PTTG1IP2: variants seen among roughly 807,000 people sequenced by gnomAD.
The protein encoded by PTTG1IP2 is PTTG1IP family member 2.
chr7:90,481,211 G>A (rs1231986896), intron 2 of PTTG1IP2, among the ~76,000 whole-genome samples: 1 of 151,872 alleles, frequency 6.6e-6, no homozygotes, highest in Non-Finnish European at 1.5e-5. Flanking sequence ...TTTATTTTTT[G>A]TGGGTACATA....
intron 6 of PTTG1IP2, among the ~76,000 whole-genome samples, chr7:90,510,489 C>T (rs146894443): frequency 2.4e-4 from 37 of 152,142 alleles, no homozygotes; most frequent in East Asian, 7.7e-4. Context: ...TTTCCTAATA[C>T]GAGCTTTATT....
At position 90,484,334 on chromosome 7, in the gene PTTG1IP2, G is replaced by A. The variant is rs547808585; in HGVS notation, c.193-2993G>A. 7.9e-5 allele frequency among the ~76,000 whole-genome samples: 12 copies of A among 151,960 alleles called. No homozygotes were observed. In the South Asian group the frequency reaches 1.9e-3, roughly 24 times the overall value. On this transcript the variant is annotated intron_variant, in intron 2 of 6. Coordinates refer to ENST00000509356, the MANE Select transcript of PTTG1IP2 (RefSeq NM_001365443.2). ...ATTATTATGTATCTTCCCACTTTCT[G>A]CATGTTTTGATTTTAATGATATTTT... is the stretch of plus-strand genomic sequence containing the variant.
intron 6 of PTTG1IP2, among the ~76,000 whole-genome samples, chr7:90,504,562 G>A (rs1237944174): frequency 6.6e-6 from 1 of 152,150 alleles, no homozygotes; most frequent in African/African-American, 2.4e-5. Flanking sequence ...GTATGTGGCT[G>A]TGTTTCAATA....
chr7:90,509,717 G>A (rs1300805137), intron 6 of PTTG1IP2, among the ~76,000 whole-genome samples: 4 of 152,224 alleles, frequency 2.6e-5, no homozygotes, highest in South Asian at 2.1e-4. Context: ...TATAAAGTGT[G>A]GATAGAAGTT....
chr7:90,508,164 G>A (rs1173028491), intron 6 of PTTG1IP2, among the ~76,000 whole-genome samples: 1 of 151,694 alleles, frequency 6.6e-6, no homozygotes, highest in Non-Finnish European at 1.5e-5. Context: ...TGACTTGGGG[G>A]GCTGAGGTGC....
At chr7:90,495,468 A>ATG (rs148211028) in intron 6 of PTTG1IP2, among the ~76,000 whole-genome samples, 8 of 152,140 alleles carry the variant, frequency 5.3e-5, no homozygotes, top group African/African-American at 1.4e-4. Context: ...TTGTGTGTGT[A>ATG]TGTGTGTGTG....
At chr7:90,508,982 A>G (rs1201114881) in intron 6 of PTTG1IP2, among the ~76,000 whole-genome samples, 1 of 152,194 alleles carries the variant, frequency 6.6e-6, no homozygotes. Flanking sequence ...TGAGCTTTCA[A>G]TCATGACTCT....
chr7:90,496,885 G>A (rs1024669117), intron 6 of PTTG1IP2, among the ~76,000 whole-genome samples: 1 of 151,962 alleles, frequency 6.6e-6, no homozygotes, highest in Non-Finnish European at 1.5e-5. Flanking sequence ...AGTATATTGT[G>A]TTTTAATTTT....
chr7:90,497,130 G>T (rs1324090357), intron 6 of PTTG1IP2, among the ~76,000 whole-genome samples: 1 of 152,166 alleles, frequency 6.6e-6, no homozygotes, highest in Non-Finnish European at 1.5e-5. Flanking sequence ...AGTGTTCCAT[G>T]TGTGCTGAAG....
chr7:90,477,926 T>C (rs1336787044), intron 1 of PTTG1IP2, among the ~76,000 whole-genome samples: 1 of 151,460 alleles, frequency 6.6e-6, no homozygotes, highest in Admixed American at 6.6e-5. Context: ...TGAAACCCCA[T>C]CTCTACTGAA....
At chr7:90,494,647 G>A (rs1318787355) in intron 6 of PTTG1IP2, among the ~76,000 whole-genome samples, 5 of 152,220 alleles carry the variant, frequency 3.3e-5, no homozygotes, top group African/African-American at 1.2e-4. Flanking sequence ...TCTGGAAGGC[G>A]GAAGAGGGAG....
chr7:90,506,704 C>T (rs1459184185), intron 6 of PTTG1IP2, among the ~76,000 whole-genome samples: 1 of 152,106 alleles, frequency 6.6e-6, no homozygotes, highest in Non-Finnish European at 1.5e-5. Flanking sequence ...GAGATGAAGG[C>T]TGCAGCAAGC....
chr7:90,508,703 T>G (rs1381359175), intron 6 of PTTG1IP2, among the ~76,000 whole-genome samples: 3 of 152,218 alleles, frequency 2.0e-5, no homozygotes, highest in African/African-American at 4.8e-5. Context: ...CAACAATCCC[T>G]TGAGGTAAAT....
At position 90,498,182 on chromosome 7, in the gene PTTG1IP2, C is replaced by T. The variant is rs536559283; in HGVS notation, c.*50+3752C>T. 9.2e-5 allele frequency among the ~76,000 whole-genome samples: 14 copies of T among 152,234 alleles called. No individual in the cohort carries two copies. The East Asian group carries it at 1.7e-3, about 19-fold the overall frequency. On this transcript the variant is annotated intron_variant, in intron 6 of 6. Transcript: ENST00000509356. Reference sequence around the variant, plus strand: ...CTGGGACTACAGGCGCCCGCCACCACGCCTGGCTAATTTTTTGTATTTTTA... The same window carrying T: ...CTGGGACTACAGGCGCCCGCCACCATGCCTGGCTAATTTTTTGTATTTTTA...
chr7:90,502,346 A>G (rs930035781), intron 6 of PTTG1IP2, among the ~76,000 whole-genome samples: 9 of 152,202 alleles, frequency 5.9e-5, no homozygotes, highest in African/African-American at 1.9e-4. Flanking sequence ...AAAGTCATCC[A>G]TTAGAGTTGG....
chr7:90,481,416 T>A (rs1347660856), intron 2 of PTTG1IP2, among the ~76,000 whole-genome samples: 1 of 152,192 alleles, frequency 6.6e-6, no homozygotes, highest in Non-Finnish European at 1.5e-5. Context: ...TGAATACAGC[T>A]ACAAAGTCAC....
At chr7:90,474,721 C>T (rs1797727645) in intron 1 of PTTG1IP2, among the ~76,000 whole-genome samples, 1 of 152,180 alleles carries the variant, frequency 6.6e-6, no homozygotes, top group Non-Finnish European at 1.5e-5. Context: ...GGCAGCATGT[C>T]CCAGTCCTCA....
chr7:90,495,855 C>T (rs896382442), intron 6 of PTTG1IP2, among the ~76,000 whole-genome samples: 5 of 152,056 alleles, frequency 3.3e-5, no homozygotes, highest in African/African-American at 1.2e-4. Context: ...TGGTTAACAC[C>T]CAATGTTGCA....
At chr7:90,512,820 A>G (rs1562991795) in intron 6 of PTTG1IP2, among the ~76,000 whole-genome samples, 1 of 152,234 alleles carries the variant, frequency 6.6e-6, no homozygotes, top group Non-Finnish European at 1.5e-5. Context: ...CTGCTGCTTT[A>G]CAGTAACAGA....
Sources: allele counts gnomAD v4.1 joint callset (sites outside exome capture counted in the v4.1 genomes callset), GRCh38; gene constraint gnomAD v4.1.1; transcripts MANE v1.5; gene names NCBI Gene and HGNC (gene_info 2026-07-23, HGNC 2026-07-21).